Variants in FLRT2 observed in about 807,000 individuals in gnomAD.
FLRT2 encodes leucine-rich repeat transmembrane protein FLRT2.
A neutral mutation model predicts 40.0 loss-of-function variants in FLRT2; 15 were observed. The ratio of observed to expected loss-of-function variants is 0.38; its 90% CI spans 0.25 to 0.58. The LOEUF is 0.58. Ranked by LOEUF, FLRT2 falls within the 20% of genes least tolerant of loss-of-function variation. FLRT2 has a pLI of 0.71. For missense variants in FLRT2, 726 were observed against 840.0 expected, an observed-to-expected ratio of 0.86 and a Z score of 1.68; for synonymous variants, 380 against 336.8, an observed-to-expected ratio of 1.13 and a Z score of -1.41.
In FLRT2 at chr14:85,534,607, G is replaced by T. The variant is rs547924679; in HGVS notation, c.-377+4073G>T. On this transcript the variant is annotated intron_variant, in intron 1 of 1. Transcript: ENST00000330753. Reference sequence around the variant, plus strand: ...ATTTGCCACGACTGTCCGTATGTGTGTCTGTGTGTGTGCGTGTGTTTGGGG... The same window carrying T: ...ATTTGCCACGACTGTCCGTATGTGTTTCTGTGTGTGTGCGTGTGTTTGGGG... Among the ~76,000 whole-genome samples the T allele has an allele frequency of 3.9e-5, 6 of 151,972 alleles. No homozygotes were observed. In the South Asian group the frequency reaches 6.2e-4, roughly 16 times the overall value.
At chr14:85,609,788 C>T (rs1377672084) in intron 1 of FLRT2, among the ~76,000 whole-genome samples, 2 of 152,180 alleles carry the variant, frequency 1.3e-5, no homozygotes, top group African/African-American at 4.8e-5. Context: ...AGTCACACAG[C>T]CCAGGCAGCC....
Position 85,621,964 on chromosome 14 carries a change from G to A in FLRT2, c.450G>A (p.Val150=). The change falls in exon 2 of 2, where the codon GTG becomes GTA. Residue 150 remains valine (V), a synonymous_variant. Transcript: ENST00000330753. ...LDDNSISTVG[V]EDGAFREAIS... The stretch of plus-strand genomic sequence containing the variant: ...ACAACTCCATATCCACAGTGGGGGT[G>A]GAAGACGGGGCCTTCCGGGAGGCTA... 1 of 1,600,356 alleles carries A rather than the reference G, an allele frequency of 6.2e-7. No homozygotes were observed.
chr14:85,570,758 T>A (rs1490241523), intron 1 of FLRT2, among the ~76,000 whole-genome samples: 2 of 149,610 alleles, frequency 1.3e-5, no homozygotes, highest in African/African-American at 2.5e-5. Flanking sequence ...ATTTTTTGTA[T>A]TTTTTTTTAG....
rs879597618 is a variant in FLRT2 at position 85,640,846 on chromosome 14, C to A, written c.*17349C>A. 8.5e-5 allele frequency: 13 copies of A among 152,178 alleles called. No homozygotes were observed. Among genetic ancestry groups the A allele is most frequent in the Non-Finnish European group, 1.5e-4 (10 of 68,038 alleles). The allele number at this position is 152,178 out of a possible 1,614,324, so 9.4% of individuals were successfully genotyped here. On this transcript the variant is annotated 3_prime_UTR_variant, in exon 2 of 2. Transcript: ENST00000330753. ...ATTGTACACAAACGTTTCTAAAATA[C>A]AGATCCTACCTTAGGCTTTTCGGCT...
chr14:85,547,969 C>T (rs538930011), intron 1 of FLRT2, among the ~76,000 whole-genome samples: 1 of 152,148 alleles, frequency 6.6e-6, no homozygotes, highest in South Asian at 2.1e-4. Flanking sequence ...CCAAATGAAG[C>T]AATCAGATAT....
rs1893834188 is a variant in FLRT2, at chr14:85,630,297, T to C, written c.*6800T>C. 1 of 148,886 alleles carries C rather than the reference T, an allele frequency of 6.7e-6. No homozygotes were observed. Among genetic ancestry groups the C allele is most frequent in the Non-Finnish European group, 1.5e-5 (1 of 67,290 alleles). The allele number at this position is 148,886 out of a possible 1,614,324, so 9.2% of individuals were successfully genotyped here. A position where few individuals can be genotyped will look rare whatever the true frequency, so the allele number is the denominator to read the frequency against. Reference sequence around the variant, plus strand: ...TGATCATATCTGTCTTTTTTTTTTTTTTTTTTTTTTGGTATGAAGTCTAAA... The same window carrying C: ...TGATCATATCTGTCTTTTTTTTTTTCTTTTTTTTTTGGTATGAAGTCTAAA... On this transcript the variant is annotated 3_prime_UTR_variant, in exon 2 of 2. Transcript: ENST00000330753.
chr14:85,591,416 A>T (rs1443701821), intron 1 of FLRT2, among the ~76,000 whole-genome samples: 1 of 152,186 alleles, frequency 6.6e-6, no homozygotes, highest in Admixed American at 6.5e-5. Context: ...TGTTGGTATC[A>T]TCCACTCATT....
At chr14:85,614,061 A>G (rs1233522368) in intron 1 of FLRT2, among the ~76,000 whole-genome samples, 3 of 152,128 alleles carry the variant, frequency 2.0e-5, no homozygotes, top group African/African-American at 7.2e-5. Flanking sequence ...TGTTTTCCAC[A>G]TGTTAGGCAA....
intron 1 of FLRT2, among the ~76,000 whole-genome samples, chr14:85,578,062 C>T (rs1891201218): frequency 6.7e-6 from 1 of 148,764 alleles, no homozygotes; most frequent in Non-Finnish European, 1.5e-5. Context: ...TTTGTTGTCA[C>T]CTATGCACAA....
chr14:85,621,993 G>A lies in FLRT2; in HGVS notation c.479G>A (p.Ser160Asn). ...GACGGGGCCTTCCGGGAGGCTATTA[G>A]CCTCAAATTGTTGTTTTTGTCTAAG... ...VEDGAFREAI[S>N]LKLLFLSKNH... The change falls in exon 2 of 2, where the codon AGC (serine) becomes AAC (asparagine). Residue 160 changes from serine (S) to asparagine (N), a missense_variant. Transcript: ENST00000330753. 1 of 1,606,296 alleles carries A rather than the reference G, an allele frequency of 6.2e-7. No homozygotes were observed. Among genetic ancestry groups the A allele is most frequent in the Non-Finnish European group, 8.5e-7 (1 of 1,176,228 alleles).
chr14:85,570,061 T>A (rs1396055306), intron 1 of FLRT2, among the ~76,000 whole-genome samples: 2 of 152,144 alleles, frequency 1.3e-5, no homozygotes, highest in African/African-American at 2.4e-5. Flanking sequence ...CAAATAAGAC[T>A]GTGTATCTCC....
intron 1 of FLRT2, among the ~76,000 whole-genome samples, chr14:85,560,614 A>G (rs1178517133): frequency 6.6e-6 from 1 of 151,656 alleles, no homozygotes; most frequent in Non-Finnish European, 1.5e-5. Flanking sequence ...AAATAAATAA[A>G]AAATAAAGAA....
chr14:85,595,728 G>C (rs1249580476), intron 1 of FLRT2, among the ~76,000 whole-genome samples: 3 of 152,112 alleles, frequency 2.0e-5, no homozygotes, highest in Non-Finnish European at 4.4e-5. Context: ...AATTTTCTTT[G>C]AAGCCCTGAT....
intron 1 of FLRT2, among the ~76,000 whole-genome samples, chr14:85,605,604 A>T (rs1480039886): frequency 6.6e-6 from 1 of 152,066 alleles, no homozygotes; most frequent in Non-Finnish European, 1.5e-5. Flanking sequence ...CCCCGTCTCT[A>T]CTAAAAATAC....
At chr14:85,568,185 C>T (rs1378354301) in intron 1 of FLRT2, among the ~76,000 whole-genome samples, 1 of 151,160 alleles carries the variant, frequency 6.6e-6, no homozygotes, top group Non-Finnish European at 1.5e-5. Context: ...GTAGGCATTG[C>T]CTTTGTTCAT....
Position 85,641,850 on chromosome 14 carries a change from T to C in FLRT2, c.*18353T>C, listed in dbSNP as rs1206939488. On this transcript the variant is annotated 3_prime_UTR_variant, in exon 2 of 2. Transcript: ENST00000330753. ...TAATGGATCACTGATAATTTTTGGCTTGCAATGAGAAAAAAAAATCAGCAG... is the reference window on the plus strand; with the variant it reads ...TAATGGATCACTGATAATTTTTGGCCTGCAATGAGAAAAAAAAATCAGCAG... The C allele has an allele frequency of 6.9e-6, 1 of 144,646 alleles. No individual in the cohort carries two copies. The highest frequency in any genetic ancestry group is 7.0e-5 in the Admixed American group (1 of 14,206). 9.0% of individuals were successfully genotyped at this position (144,646 alleles called of 1,614,324 possible). A position where few individuals can be genotyped will look rare whatever the true frequency, so the allele number is the denominator to read the frequency against.
rs1894187762 is a variant in FLRT2, at chr14:85,642,965, A to G, written c.*19468A>G. 6.6e-6 allele frequency: 1 copy of G among 152,262 alleles called. No homozygotes were observed. The highest frequency in any genetic ancestry group is 1.5e-5 in the Non-Finnish European group (1 of 68,074). 9.4% of individuals were successfully genotyped at this position (152,262 alleles called of 1,614,324 possible). A position where few individuals can be genotyped will look rare whatever the true frequency, so the allele number is the denominator to read the frequency against. ...TCCAATTCTTGAGGCTGTGAAGCCC[A>G]AGATCAAGTTGCCTGCAGATCTGGT... On this transcript the variant is annotated 3_prime_UTR_variant, in exon 2 of 2. Coordinates refer to ENST00000330753, the MANE Select transcript of FLRT2 (RefSeq NM_013231.6).
rs1894340805 is a variant in FLRT2, at chr14:85,647,775, A to G, written c.*24278A>G. The G allele has an allele frequency of 6.6e-6, 1 of 152,178 alleles. No homozygotes were observed. Among genetic ancestry groups the G allele is most frequent in the Non-Finnish European group, 1.5e-5 (1 of 68,032 alleles). The allele number at this position is 152,178 out of a possible 1,614,324, so 9.4% of individuals were successfully genotyped here. A position where few individuals can be genotyped will look rare whatever the true frequency, so the allele number is the denominator to read the frequency against. ...ACAACTATCGCAACCACATACAGGC[A>G]GAACCACTAAGAGTAAAAACCCCTC... is the stretch of plus-strand genomic sequence containing the variant. On this transcript the variant is annotated 3_prime_UTR_variant, in exon 2 of 2. Transcript: ENST00000330753.
At position 85,650,976 on chromosome 14, in the gene FLRT2, A is replaced by C. The variant is rs1163286123; in HGVS notation, c.*27479A>C. Reference sequence around the variant, plus strand: ...ATACTCTCCTGCCTTGGTTTCCTAAAGTGCTGGGATTATAGGCCTGAGCCA... The same window carrying C: ...ATACTCTCCTGCCTTGGTTTCCTAACGTGCTGGGATTATAGGCCTGAGCCA... On this transcript the variant is annotated 3_prime_UTR_variant, in exon 2 of 2. Coordinates refer to ENST00000330753, the MANE Select transcript of FLRT2 (RefSeq NM_013231.6). 6.6e-6 allele frequency: 1 copy of C among 151,852 alleles called. No individual in the cohort carries two copies. Among genetic ancestry groups the C allele is most frequent in the Non-Finnish European group, 1.5e-5 (1 of 67,948 alleles). The allele number at this position is 151,852 out of a possible 1,614,324, so 9.4% of individuals were successfully genotyped here.
Sources: gnomAD v4.1 joint callset for allele counts (sites outside exome capture counted in the v4.1 genomes callset) on GRCh38, gnomAD v4.1.1 for gene constraint, MANE v1.5 for transcripts, NCBI Gene and HGNC (gene_info 2026-07-23, HGNC 2026-07-21) for gene names.